TMPRSS15: variants seen among roughly 807,000 people sequenced by gnomAD.
TMPRSS15 encodes the protein transmembrane serine protease 15.
Under a neutral mutation model 125.3 loss-of-function variants are expected in TMPRSS15, and 128 were observed. The observed-to-expected ratio is 1.02, with a 90% CI of 0.89 to 1.18. The LOEUF (loss-of-function observed/expected upper bound fraction) is 1.18. Ranked by LOEUF, TMPRSS15 falls within the 50% of genes most tolerant of loss-of-function variation. The pLI, the probability that TMPRSS15 is intolerant of heterozygous loss-of-function variation, is 0.00. For synonymous variants in TMPRSS15, 446 were observed against 423.2 expected (o/e 1.05, Z -0.66); for missense variants, 1,283 against 1,212.7 (o/e 1.06, Z -0.86).
chr21:18,302,678 T>C (rs1401069477), intron 18 of TMPRSS15, among the ~76,000 whole-genome samples: 1 of 152,336 alleles, frequency 6.6e-6, no homozygotes, highest in East Asian at 1.9e-4. Flanking sequence ...AAGAGGTAAA[T>C]TGATGGGTTA....
At chr21:18,409,690 G>A (rs80242043) in intron 1 of TMPRSS15, among the ~76,000 whole-genome samples, 11,447 of 151,642 alleles carry the variant, frequency 0.075, 474 homozygotes, top group South Asian at 0.097. Flanking sequence ...TTTGTTACTG[G>A]GTTCTTATTG....
chr21:18,421,700 C>T (rs1394995223), intron 1 of TMPRSS15, among the ~76,000 whole-genome samples: 3 of 152,118 alleles, frequency 2.0e-5, no homozygotes, highest in Non-Finnish European at 4.4e-5. Context: ...ATGCTCTTCT[C>T]CTTAATCTAT....
intron 3 of TMPRSS15, among the ~76,000 whole-genome samples, chr21:18,391,428 C>T (rs1413725385): frequency 6.6e-6 from 1 of 152,224 alleles, no homozygotes; most frequent in African/African-American, 2.4e-5. Context: ...AGGCCCCATG[C>T]AACTCCAAAA....
intron 4 of TMPRSS15, among the ~76,000 whole-genome samples, chr21:18,381,630 A>G (rs1415154954): frequency 6.6e-6 from 1 of 152,176 alleles, no homozygotes; most frequent in Non-Finnish European, 1.5e-5. Flanking sequence ...ATTCTAAATT[A>G]ACTCAAAGGA....
In TMPRSS15 at chr21:18,398,349, A is replaced by G; in HGVS notation, c.146-20T>C. 2 of 1,612,674 alleles carry G rather than the reference A, an allele frequency of 1.2e-6. No individual in the cohort carries two copies. The highest frequency in any genetic ancestry group is 1.7e-6 in the Non-Finnish European group (2 of 1,179,326). On this transcript the variant is annotated intron_variant, in intron 1 of 24. Coordinates refer to ENST00000284885, the MANE Select transcript of TMPRSS15 (RefSeq NM_002772.3). ...CTGCACCTAGATAAATTAATAAGGA[A>G]AAAACACTAAGATTTTGGATTATGA... is the stretch of plus-strand genomic sequence containing the variant.
intron 1 of TMPRSS15, 87 bp downstream of exon 1, chr21:18,403,391 G>T: frequency 1.3e-6 from 2 of 1,565,734 alleles, no homozygotes; most frequent in Non-Finnish European, 8.8e-7. Flanking sequence ...AGTTGGCAAT[G>T]AATAAAATAG....
At chr21:18,384,733 C>T (rs1229131532) in intron 3 of TMPRSS15, among the ~76,000 whole-genome samples, 6 of 152,122 alleles carry the variant, frequency 3.9e-5, no homozygotes, top group Admixed American at 1.3e-4. Flanking sequence ...GCTTAAGACA[C>T]AGACTAGGGC....
At chr21:18,338,944 T>A (rs1252091133) in intron 13 of TMPRSS15, among the ~76,000 whole-genome samples, 1 of 152,182 alleles carries the variant, frequency 6.6e-6, no homozygotes, top group Non-Finnish European at 1.5e-5. Flanking sequence ...ATCCATTTTA[T>A]GAGTATCATT....
At chr21:18,315,073 C>A (rs1225913091) in intron 17 of TMPRSS15, 73 bp downstream of exon 17, 9 of 1,191,744 alleles carry the variant, frequency 7.6e-6, no homozygotes, top group Non-Finnish European at 1.1e-5. Context: ...CAGTTATAAT[C>A]TTTCTTTGAC....
intron 1 of TMPRSS15, among the ~76,000 whole-genome samples, chr21:18,438,412 C>G (rs2076234148): frequency 6.6e-6 from 1 of 151,780 alleles, no homozygotes; most frequent in Admixed American, 6.6e-5. Context: ...ACCAGCATGG[C>G]ACATGTATAC....
intron 3 of TMPRSS15, among the ~76,000 whole-genome samples, chr21:18,396,852 T>A (rs1030322929): frequency 8.8e-6 from 1 of 113,224 alleles, no homozygotes; most frequent in African/African-American, 3.5e-5. Context: ...CTATCTATCT[T>A]AAGTCACAAA....
At chr21:18,446,885 T>C (rs937875877) in intron 1 of TMPRSS15, among the ~76,000 whole-genome samples, 3 of 126,462 alleles carry the variant, frequency 2.4e-5, no homozygotes, top group Non-Finnish European at 5.1e-5. Flanking sequence ...GTTTGTTTGT[T>C]TGTTTTTTAT....
chr21:18,376,706 C>A (rs1335024786), intron 5 of TMPRSS15, among the ~76,000 whole-genome samples: 2 of 152,182 alleles, frequency 1.3e-5, no homozygotes, highest in Non-Finnish European at 2.9e-5. Flanking sequence ...AACACCCCCT[C>A]TAGGCACGCT....
rs1283554184 is a variant in TMPRSS15 at position 18,353,841 on chromosome 21, A to G, written c.903T>C (p.Pro301=). 2 of 1,611,346 alleles carry G rather than the reference A, an allele frequency of 1.2e-6. No individual in the cohort carries two copies. Among genetic ancestry groups the G allele is most frequent in the Admixed American group, 3.3e-5 (2 of 59,872 alleles). Reference sequence around the variant, plus strand: ...GGTTGGAAAAAATTCTTATTGTGCCAGGATTAGTTTCCCAAATAGAAGCTA... The same window carrying G: ...GGTTGGAAAAAATTCTTATTGTGCCGGGATTAGTTTCCCAAATAGAAGCTA... The part of the protein sequence containing the change: ...ILRASIWETN[P]GTIRIFSNQV... The change falls in exon 9 of 25, where the codon CCT becomes CCC. Residue 301 remains proline (P), a synonymous_variant. Transcript: ENST00000284885.
rs1321399222 is a variant in TMPRSS15, at chr21:18,413,301, CT to C, written c.11-14973del. On this transcript the variant is annotated intron_variant, in intron 1 of 7. Coordinates refer to the TMPRSS15 transcript ENST00000422787. ...TTCTTTTTCTTTCTTTCTTTTCTTTCTTTTCTTTCTTTTCCTTCCTTCCTTC... is the reference window on the plus strand; with the variant it reads ...TTCTTTTTCTTTCTTTCTTTTCTTTCTTTCTTTCTTTTCCTTCCTTCCTTC... Among the ~76,000 whole-genome samples the C allele has an allele frequency of 2.3e-3, 197 of 87,056 alleles. 10 individuals are homozygous for C. The highest frequency in any genetic ancestry group is 0.022 in the East Asian group (46 of 2,124). The allele number at this position is 87,056 out of a possible 152,430, so 57.1% of individuals were successfully genotyped here.
At chr21:18,447,356 C>T (rs2123246787) in intron 1 of TMPRSS15, among the ~76,000 whole-genome samples, 1 of 141,558 alleles carries the variant, frequency 7.1e-6, no homozygotes, top group Admixed American at 7.7e-5. Flanking sequence ...AGGAGAATTG[C>T]TTGAACCCGG....
chr21:18,338,915 G>A (rs2075420400), intron 13 of TMPRSS15, among the ~76,000 whole-genome samples: 1 of 151,948 alleles, frequency 6.6e-6, no homozygotes, highest in South Asian at 2.1e-4. Flanking sequence ...GAGAATGTAT[G>A]GTACTTTCCT....
chr21:18,412,838 T>C (rs1356088726), intron 1 of TMPRSS15, among the ~76,000 whole-genome samples: 1 of 152,180 alleles, frequency 6.6e-6, no homozygotes, highest in Non-Finnish European at 1.5e-5. Context: ...GGGAAGTCAA[T>C]GACAGAAGCA....
Position 18,281,068 on chromosome 21 carries a change from C to T in TMPRSS15, c.2640G>A (p.Met880Ile). 1 of 1,613,632 alleles carries T rather than the reference C, an allele frequency of 6.2e-7. No individual in the cohort carries two copies. Among genetic ancestry groups the T allele is most frequent in the Non-Finnish European group, 8.5e-7 (1 of 1,179,970 alleles). Reference protein sequence around the residue: ...RRRKDNDIAMMHLEFKVNYTD... With the variant: ...RRRKDNDIAMIHLEFKVNYTD... Reference sequence around the variant, plus strand: ...TGTAATTCACTTTAAATTCCAGATGCATCATGGCAATGTCGTTGTCCTTTC... The same window carrying T: ...TGTAATTCACTTTAAATTCCAGATGTATCATGGCAATGTCGTTGTCCTTTC... Residue 880 changes from methionine (M) to isoleucine (I), a missense_variant, in exon 22 of 25, where the codon ATG (methionine) becomes ATA (isoleucine). Coordinates refer to ENST00000284885, the MANE Select transcript of TMPRSS15 (RefSeq NM_002772.3).
Sources: allele counts gnomAD v4.1 joint callset (sites outside exome capture counted in the v4.1 genomes callset), GRCh38; gene constraint gnomAD v4.1.1; transcripts MANE v1.5; gene names NCBI Gene and HGNC (gene_info 2026-07-23, HGNC 2026-07-21).